UBN1: variants seen among roughly 807,000 people sequenced by gnomAD.
The protein encoded by UBN1 is ubinuclein-1.
A neutral mutation model predicts 108.5 loss-of-function variants in UBN1; 17 were observed. The ratio of observed to expected loss-of-function variants is 0.16; its 90% CI spans 0.11 to 0.24. The LOEUF (loss-of-function observed/expected upper bound fraction) is 0.24, where lower values mean the gene tolerates loss of function less well. UBN1 is among the 10% of genes least tolerant of loss of function. The pLI is 1.00. For synonymous variants in UBN1, 726 were observed against 564.2 expected (o/e 1.29, Z -4.07); for missense variants, 1,595 against 1,394.4 (o/e 1.14, Z -2.29).
At chr16:4,850,128 T>A (rs1245133462) in intron 1 of UBN1, among the ~76,000 whole-genome samples, 1 of 152,184 alleles carries the variant, frequency 6.6e-6, no homozygotes, top group Non-Finnish European at 1.5e-5. Context: ...TTGTTAAATA[T>A]ATTGGATTCT....
intron 7 of UBN1, among the ~76,000 whole-genome samples, chr16:4,867,526 A>T (rs1047816061): frequency 3.3e-5 from 5 of 152,174 alleles, no homozygotes; most frequent in African/African-American, 1.2e-4. Context: ...AATTTCTCAG[A>T]GATAACTGGA....
At chr16:4,867,493 C>T (rs766805451) in intron 7 of UBN1, among the ~76,000 whole-genome samples, 2 of 152,150 alleles carry the variant, frequency 1.3e-5, no homozygotes, top group Non-Finnish European at 2.9e-5. Context: ...CCTGCCTATA[C>T]CAGGCGTTGA....
chr16:4,877,425 G>C lies in UBN1; in HGVS notation c.3306G>C (p.Ala1102=). The change falls in exon 17 of 18, where the codon GCG becomes GCC. Residue 1102 remains alanine (A), a synonymous_variant. Coordinates refer to ENST00000262376, the MANE Select transcript of UBN1 (RefSeq NM_001079514.3). This position sits in a 1 kb window ranked among gnomAD's most constrained non-coding sequence, Gnocchi z 4.3. ...TGCACTCCAGCCCGCCCCATGCAGC[G>C]CCTCTCCCACACGCTGCGGTGCCCA... The part of the protein sequence containing the change: ...AGLHSSPPHA[A]PLPHAAVPTH... 1 of 1,612,450 alleles carries C rather than the reference G, an allele frequency of 6.2e-7. No individual in the cohort carries two copies.
rs1271372000 is a variant in UBN1, at chr16:4,880,112, G to A, written c.3385G>A (p.Ala1129Thr). Residue 1129 changes from alanine to threonine, a missense_variant, in exon 18 of 18, where the codon GCT becomes ACT. By Grantham distance (58) the Ala-to-Thr change is moderately conservative. This residue lies in a region of UBN1 where 1,398 missense variants were observed against 1,194.7 expected (regional missense o/e 1.17). Coordinates refer to ENST00000262376, the MANE Select transcript of UBN1 (RefSeq NM_001079514.3). The stretch of plus-strand genomic sequence containing the variant: ...TTCTCAGCTTCACGGGAAAGGGCCT[G>A]CTGTACCACGGAAATTGTGACCGCT... ...GASQLHGKGPAVPRKL is the reference protein window; with the variant it reads ...GASQLHGKGPTVPRKL The A allele has an allele frequency of 6.2e-7, 1 of 1,614,026 alleles. No homozygotes were observed.
At position 4,874,891 on chromosome 16, in the gene UBN1, C is replaced by T. The variant is rs139608304; in HGVS notation, c.2481C>T (p.Leu827=). Residue 827 remains leucine (L), a synonymous_variant, in exon 15 of 18, where the codon CTC becomes CTT. Transcript: ENST00000262376. ...CCCCATCTCCATTTGCCAATAAGCT[C>T]CAAGGCCCAAAGGCTTCTCCCACAC... is the stretch of plus-strand genomic sequence containing the variant. The part of the protein sequence containing the change: ...FTPPSPFANK[L]QGPKASPTQC... 79 of 1,614,132 alleles carry T rather than the reference C, an allele frequency of 4.9e-5. No individual in the cohort carries two copies. The African/African-American group carries it at 9.5e-4, about 19-fold the overall frequency.
Position 4,860,716 on chromosome 16 carries a change from G to A in UBN1, c.724G>A (p.Ala242Thr), listed in dbSNP as rs374591432. 6.3e-5 allele frequency: 101 copies of A among 1,614,002 alleles called. No individual in the cohort carries two copies. Among genetic ancestry groups the A allele is most frequent in the Middle Eastern group, 1.6e-4 (1 of 6,084 alleles). ...KEKKKKKYSG[A>T]LSVKEMLKKF... ...GAAGAAGAAGAAGAAATATTCTGGG[G>A]CTTTAAGCGTTAAAGAGATGCTAAA... Residue 242 changes from alanine to threonine, a missense_variant, in exon 7 of 18, where the codon GCT (alanine) becomes ACT (threonine). This residue lies in a region of UBN1 where 1,398 missense variants were observed against 1,194.7 expected (regional missense o/e 1.17). Transcript: ENST00000262376.
At chr16:4,849,962 A>AAAAAAAAAAC (rs2086472900) in intron 1 of UBN1, among the ~76,000 whole-genome samples, 2 of 150,256 alleles carry the variant, frequency 1.3e-5, no homozygotes, top group Admixed American at 6.6e-5. Context: ...AAAAAAAAAA[A>AAAAAAAAAAC]AAAACCACAA....
At chr16:4,876,690 C>T (rs79005641) in intron 15 of UBN1, among the ~76,000 whole-genome samples, 181 bp from the exon 16 acceptor site, 29 of 152,314 alleles carry the variant, frequency 1.9e-4, no homozygotes, top group Non-Finnish European at 2.6e-4. Flanking sequence ...TTCATAAAGA[C>T]TGTCCTGGAT....
At position 4,877,654 on chromosome 16, in the gene UBN1, G is replaced by A. The variant is rs2087948860; in HGVS notation, c.3355+180G>A. ...GGTGACACGCACTTCTACTCTTGGG[G>A]TTTCCTCTGGTCCCCACTTGGAGCT... On this transcript the variant is annotated intron_variant, in intron 17 of 17. Coordinates refer to ENST00000262376, the MANE Select transcript of UBN1 (RefSeq NM_001079514.3). This position sits in a 1 kb window ranked among gnomAD's most constrained non-coding sequence, Gnocchi z 4.3. 8 of 1,305,874 alleles carry A rather than the reference G, an allele frequency of 6.1e-6. No homozygotes were observed. The South Asian group carries it at 1.6e-4, about 26-fold the overall frequency. 80.9% of individuals were successfully genotyped at this position (1,305,874 alleles called of 1,614,324 possible).
chr16:4,863,591 C>G (rs1020298127), intron 7 of UBN1, among the ~76,000 whole-genome samples: 2 of 152,108 alleles, frequency 1.3e-5, no homozygotes, highest in African/African-American at 2.4e-5. Flanking sequence ...GTGTTTCTCA[C>G]TTTATTTTTT....
intron 14 of UBN1, 129 bp from the exon 15 acceptor site, chr16:4,874,082 C>A: frequency 8.4e-7 from 1 of 1,183,440 alleles, no homozygotes; most frequent in Non-Finnish European, 1.2e-6. Context: ...TCTGTCCCAC[C>A]ACTTGTCTTG....
chr16:4,877,579 CTGT>C lies in UBN1; in HGVS notation c.3355+113_3355+115del, dbSNP rs375237482. 3.3e-4 allele frequency: 473 copies of C among 1,454,130 alleles called. 6 individuals carry two copies. In the South Asian group the frequency reaches 5.6e-3, roughly 17 times the overall value. 90.1% of individuals were successfully genotyped at this position (1,454,130 alleles called of 1,614,324 possible). ...GGGTCTTGGTGTCTTTGCCTTGACG[CTGT>C]TGTTGTTTTGGTTTGTCCTTTGAGG... On this transcript the variant is annotated intron_variant, in intron 17 of 17. Coordinates refer to ENST00000262376, the MANE Select transcript of UBN1 (RefSeq NM_001079514.3). The surrounding 1 kb of genome is among the most constrained non-coding windows in gnomAD (Gnocchi z 4.3).
Position 4,875,074 on chromosome 16 carries a change from G to A in UBN1, c.2664G>A (p.Lys888=). ...CTTCTGCCCTGAGCCATCCAGCAAAGCCACATTCAGTCAGCTCTGCAGGCT... is the reference window on the plus strand; with the variant it reads ...CTTCTGCCCTGAGCCATCCAGCAAAACCACATTCAGTCAGCTCTGCAGGCT... ...SSSSALSHPA[K]PHSVSSAGSS... is the part of the protein sequence containing the mutation. The change falls in exon 15 of 18, where the codon AAG becomes AAA. Residue 888 remains lysine, a synonymous_variant. Transcript: ENST00000262376. 6.2e-7 allele frequency: 1 copy of A among 1,614,022 alleles called. No individual in the cohort carries two copies. The highest frequency in any genetic ancestry group is 8.5e-7 in the Non-Finnish European group (1 of 1,180,052).
rs964971277 is a variant in UBN1, at chr16:4,880,707, C to T, written c.*575C>T. 1.3e-5 allele frequency: 2 copies of T among 152,764 alleles called. No homozygotes were observed. The highest frequency in any genetic ancestry group is 1.9e-4 in the East Asian group (1 of 5,200). The allele number at this position is 152,764 out of a possible 1,614,324, so 9.5% of individuals were successfully genotyped here. A position where few individuals can be genotyped will look rare whatever the true frequency, so the allele number is the denominator to read the frequency against. ...CTCACTGTGGGGGCCAGTTTCTCCT[C>T]GGAACATGACAATGAAGCTCTTTTA... On this transcript the variant is annotated 3_prime_UTR_variant, in exon 18 of 18. Coordinates refer to ENST00000262376, the MANE Select transcript of UBN1 (RefSeq NM_001079514.3).
At position 4,871,003 on chromosome 16, in the gene UBN1, G is replaced by A. The variant is rs374796898; in HGVS notation, c.1559+31G>A. 58 of 1,612,818 alleles carry A rather than the reference G, an allele frequency of 3.6e-5. No individual in the cohort carries two copies. The African/African-American group carries it at 7.3e-4, about 20-fold the overall frequency. On this transcript the variant is annotated intron_variant, in intron 11 of 17. Coordinates refer to ENST00000262376, the MANE Select transcript of UBN1 (RefSeq NM_001079514.3). ...CCCACACTGGGACTTGGCCTCTTTG[G>A]AGGGTTGGTGGGGCAGTGTCTGAGC...
Position 4,852,657 on chromosome 16 carries a change from A to C in UBN1, c.-39-222A>C, listed in dbSNP as rs2086613328. The C allele has an allele frequency of 7.9e-6, 3 of 381,538 alleles. No individual in the cohort carries two copies. In the South Asian group the frequency reaches 9.0e-5, roughly 11 times the overall value. 23.6% of individuals were successfully genotyped at this position (381,538 alleles called of 1,614,324 possible). A position where few individuals can be genotyped will look rare whatever the true frequency, so the allele number is the denominator to read the frequency against. On this transcript the variant is annotated intron_variant, in intron 1 of 17. Transcript: ENST00000262376. ...TTAAGGTCAAGGATCTAGGATACACATGCACAGGAAAAAAGACTGGAAGTA... is the reference window on the plus strand; with the variant it reads ...TTAAGGTCAAGGATCTAGGATACACCTGCACAGGAAAAAAGACTGGAAGTA...
chr16:4,882,296 G>C lies in UBN1; in HGVS notation c.*2164G>C, dbSNP rs996498082. The stretch of plus-strand genomic sequence containing the variant: ...TGTGCAGCGACTATGTTGGTGTTAG[G>C]GGTGGTGTGGAGATTGTTAATCTTG... On this transcript the variant is annotated 3_prime_UTR_variant, in exon 18 of 18. Transcript: ENST00000262376. 6.6e-6 allele frequency: 1 copy of C among 152,618 alleles called. No homozygotes were observed. Among genetic ancestry groups the C allele is most frequent in the Non-Finnish European group, 1.5e-5 (1 of 68,046 alleles). The allele number at this position is 152,618 out of a possible 1,614,324, so 9.5% of individuals were successfully genotyped here.
At chr16:4,861,856 C>T (rs538221854) in intron 7 of UBN1, among the ~76,000 whole-genome samples, 3 of 152,312 alleles carry the variant, frequency 2.0e-5, no homozygotes, top group East Asian at 1.9e-4. Flanking sequence ...GCAGCAGAAT[C>T]GCTTGAACCC....
At position 4,859,312 on chromosome 16, in the gene UBN1, C is replaced by G. The variant is rs541970441; in HGVS notation, c.567+153C>G. 5.9e-5 allele frequency among the ~76,000 whole-genome samples: 9 copies of G among 152,292 alleles called. No individual in the cohort carries two copies. The South Asian group carries it at 1.9e-3, about 32-fold the overall frequency. ...CCAGGTTGATGGCTCGCCTCTTACACGTGTGCCCTAATGAGGACACGTGCC... is the reference window on the plus strand; with the variant it reads ...CCAGGTTGATGGCTCGCCTCTTACAGGTGTGCCCTAATGAGGACACGTGCC... On this transcript the variant is annotated intron_variant, in intron 5 of 17. Coordinates refer to ENST00000262376, the MANE Select transcript of UBN1 (RefSeq NM_001079514.3).
Sources: allele counts gnomAD v4.1 joint callset (sites outside exome capture counted in the v4.1 genomes callset), GRCh38; gene constraint gnomAD v4.1.1; regional missense constraint gnomAD v4.1.1; non-coding constraint Gnocchi (gnomAD v3.1); transcripts MANE v1.5; gene names NCBI Gene and HGNC (gene_info 2026-07-23, HGNC 2026-07-21).